The following JPH2 variants were observed in gnomAD, a reference collection of about 807,000 sequenced individuals.
JPH2 encodes junctophilin-2.
A neutral mutation model predicts 55.9 loss-of-function variants in JPH2; 38 were observed. The ratio of observed to expected loss-of-function variants is 0.68; its 90% confidence interval spans 0.52 to 0.89. The LOEUF is 0.89. Among genes scored for constraint, JPH2 ranks in the 40% least tolerant of loss-of-function variants. JPH2 has a pLI of 0.00. For missense variants in JPH2, 964 were observed against 1,037.6 expected (o/e 0.93, Z 0.97); for synonymous variants, 480 against 472.4 (o/e 1.02, Z -0.21).
At chr20:44,147,581 A>T (rs2072501803) in intron 2 of JPH2, among the ~76,000 whole-genome samples, 1 of 152,264 alleles carries the variant, frequency 6.6e-6, no homozygotes, top group Non-Finnish European at 1.5e-5. Context: ...AGCAAATTGT[A>T]AACAACGGTC....
At chr20:44,169,438 A>G (rs1426622351) in intron 1 of JPH2, among the ~76,000 whole-genome samples, 1 of 152,158 alleles carries the variant, frequency 6.6e-6, no homozygotes, top group Non-Finnish European at 1.5e-5. Flanking sequence ...TTGGCCTCCC[A>G]AAGTGCTGGG....
In JPH2 at chr20:44,186,380, G is replaced by T. The variant is rs1250442339; in HGVS notation, c.326C>A (p.Thr109Asn). ...SSSSGAKYEG[T>N]WNNGLQDGYG... ...GCCGTCTTGCAGGCCATTGTTCCAG[G>T]TGCCCTCATACTTGGCACCGCTGCT... The change falls in exon 1 of 6, where the codon ACC becomes AAC. Residue 109 changes from threonine (T) to asparagine (N), a missense_variant. Thr to Asn is a moderately conservative substitution (Grantham distance 65, BLOSUM62 0). Coordinates refer to ENST00000372980, the MANE Select transcript of JPH2 (RefSeq NM_020433.5). 6.2e-7 allele frequency: 1 copy of T among 1,613,312 alleles called. No individual in the cohort carries two copies. The highest frequency in any genetic ancestry group is 1.7e-5 in the Admixed American group (1 of 59,978).
rs2072305149 is a variant in JPH2 at position 44,129,898 on chromosome 20, G to A, written c.1170-11275C>T. Among the ~76,000 whole-genome samples, 3 of 152,128 alleles carry A rather than the reference G, an allele frequency of 2.0e-5. No homozygotes were observed. The South Asian group carries it at 6.2e-4, about 31-fold the overall frequency. ...TTGAAGACAGAGGAAGGTGCCATAA[G>A]CTCAGGAATGCAGAGGGCCAGCAGG... On this transcript the variant is annotated intron_variant, in intron 2 of 5. Coordinates refer to ENST00000372980, the MANE Select transcript of JPH2 (RefSeq NM_020433.5).
chr20:44,154,668 G>A lies in JPH2; in HGVS notation c.1169+4950C>T, dbSNP rs1398090612. ...TGGAGAGAAAGCCCGGGCCTGCCTG[G>A]GTGTGAAGAGGCTGTGGCTGCTGGG... On this transcript the variant is annotated intron_variant, in intron 2 of 5. Coordinates refer to ENST00000372980, the MANE Select transcript of JPH2 (RefSeq NM_020433.5). Among the ~76,000 whole-genome samples the A allele has an allele frequency of 2.0e-5, 3 of 152,184 alleles. No individual in the cohort carries two copies. In the East Asian group the frequency reaches 5.8e-4, roughly 29 times the overall value.
intron 2 of JPH2, among the ~76,000 whole-genome samples, chr20:44,147,654 G>A (rs534396761): frequency 4.6e-5 from 7 of 152,314 alleles, no homozygotes; most frequent in African/African-American, 1.7e-4. Flanking sequence ...TATTTTGTAC[G>A]TGTATGACCT....
intron 2 of JPH2, among the ~76,000 whole-genome samples, chr20:44,131,202 C>T (rs1198445863): frequency 6.6e-6 from 1 of 152,200 alleles, no homozygotes; most frequent in East Asian, 1.9e-4. Context: ...TTCTCTCTTG[C>T]CACCAGAGTC....
intron 1 of JPH2, among the ~76,000 whole-genome samples, chr20:44,171,250 GC>G (rs2072695358): frequency 6.6e-6 from 1 of 152,198 alleles, no homozygotes; most frequent in African/African-American, 2.4e-5. Flanking sequence ...CTGAACATCT[GC>G]AACAGAATAT....
intron 1 of JPH2, among the ~76,000 whole-genome samples, chr20:44,164,183 A>T (rs1000924836): frequency 2.0e-5 from 3 of 152,202 alleles, no homozygotes; most frequent in Non-Finnish European, 4.4e-5. Flanking sequence ...GAACAGAGAA[A>T]TGGGAATGTG....
intron 1 of JPH2, among the ~76,000 whole-genome samples, chr20:44,166,525 C>T (rs2072656984): frequency 6.6e-6 from 1 of 152,142 alleles, no homozygotes; most frequent in Non-Finnish European, 1.5e-5. Context: ...CCCTTTAAGC[C>T]CAAGAAAAAC....
At position 44,186,879 on chromosome 20, in the gene JPH2, C is replaced by G; in HGVS notation, c.-174G>C. ...GGCTGAAAGAGCCCCGGCGCCAAGT[C>G]AGCACCGGGTCGGCTAGTCAGTGCC... is the stretch of plus-strand genomic sequence containing the variant. On this transcript the variant is annotated 5_prime_UTR_variant, in exon 1 of 6. Transcript: ENST00000372980. 1.5e-6 allele frequency: 1 copy of G among 659,994 alleles called. No individual in the cohort carries two copies. 40.9% of individuals were successfully genotyped at this position (659,994 alleles called of 1,614,324 possible).
At chr20:44,165,442 C>T (rs2072649569) in intron 1 of JPH2, among the ~76,000 whole-genome samples, 1 of 152,206 alleles carries the variant, frequency 6.6e-6, no homozygotes, top group Non-Finnish European at 1.5e-5. Flanking sequence ...ACCGTTCTCT[C>T]TCACCTGGAT....
At chr20:44,126,204 A>AAGGG in intron 2 of JPH2, among the ~76,000 whole-genome samples, 1 of 108,652 alleles carries the variant, frequency 9.2e-6, no homozygotes, top group African/African-American at 3.5e-5. Flanking sequence ...GGAAGGAAGG[A>AAGGG]AGAAGGGGGG....
rs2072132787 is a variant in JPH2 at position 44,110,234 on chromosome 20, A to T, written c.*3284T>A. Among the ~76,000 whole-genome samples the T allele has an allele frequency of 6.6e-6, 1 of 151,920 alleles. No homozygotes were observed. The highest frequency in any genetic ancestry group is 6.6e-5 in the Admixed American group (1 of 15,258). On this transcript the variant is annotated 3_prime_UTR_variant, in exon 6 of 6. Transcript: ENST00000372980. ...ATCCAACACACACACATACACACAC[A>T]CACACAGACACACCCCATCTGCAGA...
chr20:44,111,403 A>G lies in JPH2; in HGVS notation c.*2115T>C, dbSNP rs938041831. ...AAACTGAGGCTCAGAGAAGCGAAGA[A>G]AGTGGCTGGGCTAGCATTGGAGGCT... On this transcript the variant is annotated 3_prime_UTR_variant, in exon 6 of 6. Transcript: ENST00000372980. 1.3e-5 allele frequency among the ~76,000 whole-genome samples: 2 copies of G among 152,188 alleles called. No individual in the cohort carries two copies. The highest frequency in any genetic ancestry group is 2.9e-5 in the Non-Finnish European group (2 of 68,024).
rs538326588 is a variant in JPH2, at chr20:44,107,984, G to T, written c.*5534C>A. Among the ~76,000 whole-genome samples, 29 of 152,336 alleles carry T rather than the reference G, an allele frequency of 1.9e-4. No homozygotes were observed. Among genetic ancestry groups the T allele is most frequent in the African/African-American group, 7.0e-4 (29 of 41,584 alleles). On this transcript the variant is annotated 3_prime_UTR_variant, in exon 6 of 6. Coordinates refer to ENST00000372980, the MANE Select transcript of JPH2 (RefSeq NM_020433.5). ...CTTATAGTGAGTGCTGGCCATGCCA[G>T]AAAAATCAACCACAGGGTTAAAAGA...
intron 2 of JPH2, among the ~76,000 whole-genome samples, chr20:44,151,288 G>A (rs573610395): frequency 7.9e-5 from 12 of 152,232 alleles, no homozygotes; most frequent in Admixed American, 2.0e-4. Context: ...AGGTTGAAGC[G>A]CATGGATCAC....
At chr20:44,126,379 G>A (rs2072277579) in intron 2 of JPH2, among the ~76,000 whole-genome samples, 1 of 152,148 alleles carries the variant, frequency 6.6e-6, no homozygotes, top group African/African-American at 2.4e-5. Context: ...CCCTGGCTCA[G>A]GCCACTGCCA....
In JPH2 at chr20:44,109,046, C is replaced by T. The variant is rs1023591178; in HGVS notation, c.*4472G>A. Among the ~76,000 whole-genome samples the T allele has an allele frequency of 1.7e-4, 26 of 152,168 alleles. No homozygotes were observed. The highest frequency in any genetic ancestry group is 6.3e-4 in the African/African-American group (26 of 41,442). On this transcript the variant is annotated 3_prime_UTR_variant, in exon 6 of 6. Coordinates refer to ENST00000372980, the MANE Select transcript of JPH2 (RefSeq NM_020433.5). ...CCACTAATATCCAATAGACAAATGT[C>T]CCCTGCCACATCCCTGTTGACTAGC...
At chr20:44,114,073 G>C (rs146249580) in intron 5 of JPH2, among the ~76,000 whole-genome samples, 61 of 152,358 alleles carry the variant, frequency 4.0e-4, no homozygotes, top group African/African-American at 1.4e-3. Flanking sequence ...GTGAAGGCTA[G>C]TTCCAGCAGG....
Sources: allele counts gnomAD v4.1 joint callset (sites outside exome capture counted in the v4.1 genomes callset), GRCh38; gene constraint gnomAD v4.1.1; transcripts MANE v1.5; gene names NCBI Gene and HGNC (gene_info 2026-07-23, HGNC 2026-07-21).